TPD52L1: variants seen among roughly 807,000 people sequenced by gnomAD.
TPD52L1 encodes tumor protein D53.
TPD52L1 carries 18 observed loss-of-function variants against 28.7 expected under a neutral mutation model. That is an observed-to-expected ratio of 0.63 (90% CI 0.43 to 0.93). The LOEUF (loss-of-function observed/expected upper bound fraction) is 0.93. TPD52L1 is among the 40% of genes least tolerant of loss of function. The pLI is 0.00. For synonymous variants in TPD52L1, 75 were observed against 88.8 expected, an observed-to-expected ratio of 0.84 and a Z score of 0.88; for missense variants, 203 against 254.8, an observed-to-expected ratio of 0.80 and a Z score of 1.39.
intron 6 of TPD52L1, chr6:125,260,960 GAA>G (rs1208412553): frequency 2.3e-5 from 1 of 43,504 alleles, no homozygotes; most frequent in African/African-American, 2.3e-4. Flanking sequence ...AAGAAAGAAA[GAA>G]AGAAAGAAAG....
chr6:125,218,747 T>C (rs1048409418), intron 1 of TPD52L1, among the ~76,000 whole-genome samples: 2 of 152,218 alleles, frequency 1.3e-5, no homozygotes, highest in African/African-American at 4.8e-5. Context: ...AATGTGTTTT[T>C]TCTATAGAGA....
intron 1 of TPD52L1, among the ~76,000 whole-genome samples, chr6:125,192,321 C>CT (rs35571452): frequency 0.25 from 35,170 of 142,406 alleles, 4,738 homozygotes; most frequent in Admixed American, 0.38. Context: ...CAAAAAAAAT[C>CT]TTTTTTTTTT....
intron 1 of TPD52L1, among the ~76,000 whole-genome samples, chr6:125,198,139 C>T (rs752132432): frequency 7.2e-4 from 109 of 152,134 alleles, no homozygotes; most frequent in Non-Finnish European, 7.8e-4. Flanking sequence ...AGAGAAGGAG[C>T]CGAAGCTCTG....
chr6:125,238,320 A>G (rs1796401765), intron 3 of TPD52L1, among the ~76,000 whole-genome samples: 1 of 152,218 alleles, frequency 6.6e-6, no homozygotes, highest in Admixed American at 6.5e-5. Context: ...TAACTGTCTT[A>G]TCACTAATGA....
chr6:125,235,897 G>A (rs1446943420), intron 3 of TPD52L1, among the ~76,000 whole-genome samples: 1 of 152,128 alleles, frequency 6.6e-6, no homozygotes, highest in Non-Finnish European at 1.5e-5. Context: ...AAAGGAATAT[G>A]ATGTTTAGCC....
intron 1 of TPD52L1, among the ~76,000 whole-genome samples, chr6:125,211,742 A>G (rs2114933715): frequency 6.6e-6 from 1 of 152,328 alleles, no homozygotes; most frequent in East Asian, 1.9e-4. Flanking sequence ...TGATCTTAGC[A>G]TTTGAAGCCT....
At chr6:125,164,817 G>C (rs547776384) in intron 1 of TPD52L1, among the ~76,000 whole-genome samples, 1 of 152,024 alleles carries the variant, frequency 6.6e-6, no homozygotes, top group Non-Finnish European at 1.5e-5. Context: ...TTCACGGTTT[G>C]AAGCAGCAAC....
intron 1 of TPD52L1, among the ~76,000 whole-genome samples, chr6:125,195,818 G>A (rs188925301): frequency 6.6e-6 from 1 of 152,262 alleles, no homozygotes; most frequent in East Asian, 1.9e-4. Context: ...TGTTGGTTTT[G>A]CATGGTGACA....
intron 1 of TPD52L1, among the ~76,000 whole-genome samples, chr6:125,190,272 G>T (rs1236278214): frequency 3.3e-5 from 5 of 152,094 alleles, no homozygotes; most frequent in Non-Finnish European, 5.9e-5. Context: ...CCCAAATGAA[G>T]CCGACCGTTG....
intron 1 of TPD52L1, among the ~76,000 whole-genome samples, chr6:125,155,218 T>C (rs760293254): frequency 2.6e-5 from 4 of 152,234 alleles, no homozygotes; most frequent in African/African-American, 9.6e-5. Flanking sequence ...AGAGGTCAGG[T>C]TGGAGGCCTT....
chr6:125,164,179 G>T, intron 1 of TPD52L1, among the ~76,000 whole-genome samples: 1 of 152,124 alleles, frequency 6.6e-6, no homozygotes, highest in African/African-American at 2.4e-5. Context: ...TAATGGTTTT[G>T]CTTTATTTTC....
At chr6:125,220,038 C>G in intron 1 of TPD52L1, 40 bp from the exon 2 acceptor site, 1 of 1,458,256 alleles carries the variant, frequency 6.9e-7, no homozygotes, top group Non-Finnish European at 9.6e-7. Flanking sequence ...TTTAAATTCA[C>G]TTTAAAAATT....
intron 3 of TPD52L1, among the ~76,000 whole-genome samples, chr6:125,244,597 T>C (rs1796809659): frequency 6.6e-6 from 1 of 152,214 alleles, no homozygotes; most frequent in Non-Finnish European, 1.5e-5. Context: ...TTGCCTCTCA[T>C]GCAGGCTTGA....
intron 3 of TPD52L1, among the ~76,000 whole-genome samples, chr6:125,235,164 G>GT (rs1167086793): frequency 6.7e-6 from 1 of 149,472 alleles, no homozygotes; most frequent in African/African-American, 2.4e-5. Context: ...GATAGGAGGG[G>GT]TTTTTTTCCC....
chr6:125,172,119 TC>T (rs1562210292), intron 1 of TPD52L1, among the ~76,000 whole-genome samples: 1 of 61,862 alleles, frequency 1.6e-5, no homozygotes, highest in Non-Finnish European at 2.9e-5. Context: ...TTTCTTTCTT[TC>T]TTTCTTTCTT....
intron 1 of TPD52L1, among the ~76,000 whole-genome samples, chr6:125,208,299 G>A (rs1419064985): frequency 6.6e-6 from 1 of 152,174 alleles, no homozygotes; most frequent in Non-Finnish European, 1.5e-5. Flanking sequence ...GGATTCAGCT[G>A]GGGATAAGGA....
chr6:125,174,214 A>G (rs1791685442), intron 1 of TPD52L1, among the ~76,000 whole-genome samples: 1 of 152,200 alleles, frequency 6.6e-6, no homozygotes, highest in Admixed American at 6.5e-5. Flanking sequence ...TATGCATTTA[A>G]TATCCCCTGT....
At chr6:125,246,715 T>C (rs757719678) in intron 3 of TPD52L1, among the ~76,000 whole-genome samples, 2 of 152,078 alleles carry the variant, frequency 1.3e-5, no homozygotes, top group African/African-American at 4.8e-5. Context: ...ATTTCTTTCA[T>C]CTTGTCTCAT....
chr6:125,201,488 G>A (rs1010086870), intron 1 of TPD52L1, among the ~76,000 whole-genome samples: 1 of 152,086 alleles, frequency 6.6e-6, no homozygotes, highest in African/African-American at 2.4e-5. Flanking sequence ...TCTCTCCTTA[G>A]GTTTGCACCT....
Sources: gnomAD v4.1 joint callset for allele counts (sites outside exome capture counted in the v4.1 genomes callset) on GRCh38, gnomAD v4.1.1 for gene constraint, MANE v1.5 for transcripts, NCBI Gene and HGNC (gene_info 2026-07-23, HGNC 2026-07-21) for gene names.